Variants in PLEKHB2 observed in about 807,000 individuals in gnomAD.
PLEKHB2 encodes the protein pleckstrin homology domain-containing family B member 2.
PLEKHB2 carries 31 observed loss-of-function variants against 36.5 expected under a neutral mutation model. The observed-to-expected ratio is 0.85, with a 90% CI of 0.64 to 1.15. PLEKHB2 has a LOEUF of 1.15. PLEKHB2 is among the 50% of genes most tolerant of loss of function. PLEKHB2 has a pLI of 0.00. For missense variants in PLEKHB2, 262 were observed against 295.3 expected, an observed-to-expected ratio of 0.89 and a Z score of 0.83; for synonymous variants, 119 against 112.0, an observed-to-expected ratio of 1.06 and a Z score of -0.39.
At position 131,147,899 on chromosome 2, in the gene PLEKHB2, C is replaced by T. The variant is rs1173561869; in HGVS notation, c.*1126C>T. On this transcript the variant is annotated 3_prime_UTR_variant, in exon 8 of 8. Coordinates refer to ENST00000693505, the MANE Select transcript of PLEKHB2 (RefSeq NM_001100623.2). ...AGAGGCTGTTTGAGTGTGTGTCTGC[C>T]TAAGCCTCCTTATAGCCTATTTTTC... 2 of 152,146 alleles carry T rather than the reference C, an allele frequency of 1.3e-5. No homozygotes were observed. The highest frequency in any genetic ancestry group is 4.8e-5 in the African/African-American group (2 of 41,412). 9.4% of individuals were successfully genotyped at this position (152,146 alleles called of 1,614,324 possible). A position where few individuals can be genotyped will look rare whatever the true frequency, so the allele number is the denominator to read the frequency against.
chr2:131,146,664 A>G lies in PLEKHB2; in HGVS notation c.560A>G (p.Gln187Arg). The change falls in exon 8 of 8, where the codon CAA (glutamine) becomes CGA (arginine). Residue 187 changes from glutamine (Q) to arginine (R), a missense_variant. Transcript: ENST00000693505. ...AGLYGQQPANQVIIRERYRDN... is the reference protein window; with the variant it reads ...AGLYGQQPANRVIIRERYRDN... Reference sequence around the variant, plus strand: ...CTTTATGGACAGCAGCCTGCTAACCAAGTCATCATTCGAGAGCGCTATCGA... The same window carrying G: ...CTTTATGGACAGCAGCCTGCTAACCGAGTCATCATTCGAGAGCGCTATCGA... The G allele has an allele frequency of 6.2e-7, 1 of 1,613,588 alleles. No individual in the cohort carries two copies. The highest frequency in any genetic ancestry group is 8.5e-7 in the Non-Finnish European group (1 of 1,179,852).
intron 6 of PLEKHB2, among the ~76,000 whole-genome samples, chr2:131,137,450 A>C (rs566740758): frequency 1.3e-5 from 2 of 152,120 alleles, no homozygotes; most frequent in East Asian, 3.9e-4. Flanking sequence ...TGACTGGTCT[A>C]CTCAAATTCT....
chr2:131,123,806 C>T (rs1696811881), intron 2 of PLEKHB2, among the ~76,000 whole-genome samples: 1 of 135,046 alleles, frequency 7.4e-6, no homozygotes, highest in Non-Finnish European at 1.6e-5. Context: ...CCTCGGCCTC[C>T]CAAAGTGCTA....
chr2:131,126,132 G>C (rs192110786), intron 3 of PLEKHB2, among the ~76,000 whole-genome samples: 2 of 152,188 alleles, frequency 1.3e-5, no homozygotes, highest in African/African-American at 2.4e-5. Flanking sequence ...GAGGGAGCCA[G>C]AGCTCTGGGA....
intron 1 of PLEKHB2, among the ~76,000 whole-genome samples, chr2:131,112,174 G>A (rs918958): frequency 0.84 from 127,661 of 152,124 alleles, 53,974 homozygotes; most frequent in African/African-American, 0.94. Flanking sequence ...TTGATCACCA[G>A]TGGCTGTTGG....
At chr2:131,127,514 G>A (rs184407846) in intron 4 of PLEKHB2, among the ~76,000 whole-genome samples, 2 of 152,148 alleles carry the variant, frequency 1.3e-5, no homozygotes, top group Non-Finnish European at 2.9e-5. Context: ...CCATTTGAGG[G>A]TACTGGGGAT....
In PLEKHB2 at chr2:131,112,557, G is replaced by A. The variant is rs150820786; in HGVS notation, c.-9+7159G>A. 2.6e-5 allele frequency among the ~76,000 whole-genome samples: 4 copies of A among 152,298 alleles called. No individual in the cohort carries two copies. In the East Asian group the frequency reaches 7.7e-4, roughly 29 times the overall value. Reference sequence around the variant, plus strand: ...AGCAACCTGGGAAGCATAGATTCAAGTTGCTCTGAATATATGCTTTGAGTA... The same window carrying A: ...AGCAACCTGGGAAGCATAGATTCAAATTGCTCTGAATATATGCTTTGAGTA... On this transcript the variant is annotated intron_variant, in intron 1 of 7. Coordinates refer to ENST00000693505, the MANE Select transcript of PLEKHB2 (RefSeq NM_001100623.2).
intron 7 of PLEKHB2, among the ~76,000 whole-genome samples, chr2:131,140,646 GTGA>G (rs957197263): frequency 6.6e-6 from 1 of 152,226 alleles, no homozygotes; most frequent in Non-Finnish European, 1.5e-5. Flanking sequence ...CACTACTGAG[GTGA>G]TGTTCTGTTT....
intron 1 of PLEKHB2, among the ~76,000 whole-genome samples, chr2:131,114,885 C>A (rs963813637): frequency 8.5e-5 from 13 of 152,210 alleles, no homozygotes; most frequent in African/African-American, 2.9e-4. Context: ...CCAAACTGTT[C>A]CAACCTCTGC....
intron 5 of PLEKHB2, among the ~76,000 whole-genome samples, chr2:131,132,479 T>C (rs1697810967): frequency 6.6e-6 from 1 of 152,102 alleles, no homozygotes; most frequent in Non-Finnish European, 1.5e-5. Context: ...TCTTGTTTTT[T>C]GTAGAGATGA....
chr2:131,108,593 T>C (rs980195839), intron 1 of PLEKHB2, among the ~76,000 whole-genome samples: 2 of 152,138 alleles, frequency 1.3e-5, no homozygotes, highest in African/African-American at 4.8e-5. Flanking sequence ...ATACATAAAA[T>C]ACACTAACCC....
chr2:131,119,332 G>C (rs936531520), intron 1 of PLEKHB2, among the ~76,000 whole-genome samples: 1 of 152,040 alleles, frequency 6.6e-6, no homozygotes, highest in African/African-American at 2.4e-5. Context: ...CACCCTCTTT[G>C]TTCTGTGACA....
intron 1 of PLEKHB2, among the ~76,000 whole-genome samples, chr2:131,105,699 C>T (rs1694632993): frequency 6.6e-6 from 1 of 152,182 alleles, no homozygotes; most frequent in Admixed American, 6.5e-5. Flanking sequence ...CATCGCTTCC[C>T]CGGCGTCCGC....
chr2:131,142,707 T>C (rs1698916210), intron 7 of PLEKHB2, among the ~76,000 whole-genome samples: 1 of 151,718 alleles, frequency 6.6e-6, no homozygotes, highest in African/African-American at 2.4e-5. Context: ...AAGTAGCATG[T>C]GCCACCACAC....
intron 5 of PLEKHB2, among the ~76,000 whole-genome samples, chr2:131,131,981 G>A (rs1697752309): frequency 6.6e-6 from 1 of 151,812 alleles, no homozygotes. Flanking sequence ...TTACAGGCAC[G>A]TGCCACCACG....
chr2:131,120,701 T>C (rs1265104908), intron 1 of PLEKHB2: 5 of 594,214 alleles, frequency 8.4e-6, no homozygotes, highest in Non-Finnish European at 1.5e-5. Context: ...CTCGGTCAGG[T>C]GGGCTGGGTG....
At chr2:131,133,900 G>A (rs1220385274) in intron 6 of PLEKHB2, among the ~76,000 whole-genome samples, 1 of 148,472 alleles carries the variant, frequency 6.7e-6, no homozygotes. Flanking sequence ...ATTGCTGAGT[G>A]GTTTTTTTTT....
intron 2 of PLEKHB2, among the ~76,000 whole-genome samples, chr2:131,124,888 C>T (rs370521656): frequency 4.7e-4 from 71 of 151,868 alleles, no homozygotes; most frequent in African/African-American, 1.4e-3. Context: ...TGCGTTCAAG[C>T]GATTCTCCTG....
intron 1 of PLEKHB2, among the ~76,000 whole-genome samples, chr2:131,109,004 C>T (rs1235419311): frequency 6.6e-6 from 1 of 152,114 alleles, no homozygotes; most frequent in Non-Finnish European, 1.5e-5. Flanking sequence ...AACTCTAAAG[C>T]TTATACCCAA....
Sources: allele counts gnomAD v4.1 joint callset (sites outside exome capture counted in the v4.1 genomes callset), GRCh38; gene constraint gnomAD v4.1.1; transcripts MANE v1.5; gene names NCBI Gene and HGNC (gene_info 2026-07-23, HGNC 2026-07-21).